The following CA12 variants were observed in gnomAD, a reference collection of about 807,000 sequenced individuals.
CA12 encodes carbonic anhydrase 12.
CA12 carries 36 observed loss-of-function variants against 46.8 expected under a neutral mutation model. The observed-to-expected ratio is 0.77, with a 90% CI of 0.59 to 1.02. CA12 has a LOEUF of 1.02. CA12 is among the 50% of genes least tolerant of loss of function. The pLI is 0.00. For synonymous variants in CA12, 202 were observed against 187.0 expected (o/e 1.08, Z -0.65); for missense variants, 436 against 451.4 (o/e 0.97, Z 0.31).
At chr15:63,380,872 T>G (rs2039635401) in intron 1 of CA12, among the ~76,000 whole-genome samples, 1 of 152,240 alleles carries the variant, frequency 6.6e-6, no homozygotes, top group Non-Finnish European at 1.5e-5. Flanking sequence ...GCTGTACACG[T>G]GTTAGCTCAC....
intron 3 of CA12, among the ~76,000 whole-genome samples, chr15:63,346,091 G>C (rs1354870784): frequency 6.6e-6 from 1 of 152,144 alleles, no homozygotes; most frequent in Non-Finnish European, 1.5e-5. Context: ...TTTCCAGATG[G>C]AAGCTCAAGG....
rs34511446 is a variant in CA12, at chr15:63,345,329, C to T, written c.429+148G>A. The T allele has an allele frequency of 0.054, 48,871 of 903,972 alleles. 1,564 individuals carry two copies. The highest frequency in any genetic ancestry group is 0.078 in the Middle Eastern group (290 of 3,696). 56.0% of individuals were successfully genotyped at this position (903,972 alleles called of 1,614,324 possible). A position where few individuals can be genotyped will look rare whatever the true frequency, so the allele number is the denominator to read the frequency against. On this transcript the variant is annotated intron_variant, in intron 4 of 10. Transcript: ENST00000178638. This position sits in a 1 kb window ranked among gnomAD's most constrained non-coding sequence, Gnocchi z 4.3. ...GAGCTACAGGCTAGTGGAGTGGCTG[C>T]GCCCCTTGTGCCAGGGCCAGAGGTG...
In CA12 at chr15:63,323,509, CA is replaced by C. The variant is rs369693320; in HGVS notation, c.*2775del. 0.012 allele frequency: 1,541 copies of C among 124,932 alleles called. 14 individuals carry two copies. The highest frequency in any genetic ancestry group is 0.029 in the Middle Eastern group (7 of 242). The allele number at this position is 124,932 out of a possible 1,614,324, so 7.7% of individuals were successfully genotyped here. On this transcript the variant is annotated 3_prime_UTR_variant, in exon 11 of 11. Coordinates refer to ENST00000178638, the MANE Select transcript of CA12 (RefSeq NM_001218.5). This position sits in a 1 kb window ranked among gnomAD's most constrained non-coding sequence, Gnocchi z 5.1. ...AATAGTAATGCTTTAACCTCGCCTC[CA>C]AAAAAAAAAAAAGAACAGCCTGATG... is the stretch of plus-strand genomic sequence containing the variant.
chr15:63,351,236 C>T (rs1167807457), intron 2 of CA12, among the ~76,000 whole-genome samples: 2 of 152,240 alleles, frequency 1.3e-5, no homozygotes, highest in Non-Finnish European at 2.9e-5. Context: ...CTATCCTTTG[C>T]CCTTAGTGGG....
chr15:63,323,863 A>G lies in CA12; in HGVS notation c.*2422T>C, dbSNP rs965531783. On this transcript the variant is annotated 3_prime_UTR_variant, in exon 11 of 11. Transcript: ENST00000178638. The surrounding 1 kb of genome is among the most constrained non-coding windows in gnomAD (Gnocchi z 5.1). ...CTAACTAAACAAACAGAACAAAGAA[A>G]GAGATTCAAGATCTCACATGAGTGA... 4 of 152,268 alleles carry G rather than the reference A, an allele frequency of 2.6e-5. No homozygotes were observed. Among genetic ancestry groups the G allele is most frequent in the African/African-American group, 9.6e-5 (4 of 41,464 alleles). The allele number at this position is 152,268 out of a possible 1,614,324, so 9.4% of individuals were successfully genotyped here. A position where few individuals can be genotyped will look rare whatever the true frequency, so the allele number is the denominator to read the frequency against.
At chr15:63,337,645 C>T (rs566600784) in intron 8 of CA12, among the ~76,000 whole-genome samples, 20 of 152,200 alleles carry the variant, frequency 1.3e-4, no homozygotes, top group African/African-American at 2.9e-4. Flanking sequence ...TTAGTAGAGA[C>T]GTGGTTTCAC....
At chr15:63,367,706 G>A (rs150864312) in intron 2 of CA12, among the ~76,000 whole-genome samples, 54 of 152,280 alleles carry the variant, frequency 3.5e-4, no homozygotes, top group Middle Eastern at 3.4e-3. Flanking sequence ...AGTGATCTAC[G>A]TATTTGGAGT....
intron 1 of CA12, among the ~76,000 whole-genome samples, chr15:63,380,909 G>A (rs1016576589): frequency 6.6e-6 from 1 of 152,184 alleles, no homozygotes; most frequent in African/African-American, 2.4e-5. Context: ...CACAGTTCAG[G>A]TCCCCTCTGC....
rs2038942236 is a variant in CA12, at chr15:63,331,906, C to G, written c.875-3776G>C. On this transcript the variant is annotated intron_variant, in intron 8 of 10. Coordinates refer to ENST00000178638, the MANE Select transcript of CA12 (RefSeq NM_001218.5). This position sits in a 1 kb window ranked among gnomAD's most constrained non-coding sequence, Gnocchi z 5.3. Reference sequence around the variant, plus strand: ...ACGAGGAACAAGCACCTCACTTTCACATCTGGAGGTTCCTGGAACAACAGT... The same window carrying G: ...ACGAGGAACAAGCACCTCACTTTCAGATCTGGAGGTTCCTGGAACAACAGT... The G allele has an allele frequency of 6.6e-6, 1 of 152,196 alleles. No homozygotes were observed. The highest frequency in any genetic ancestry group is 2.4e-5 in the African/African-American group (1 of 41,458). 9.4% of individuals were successfully genotyped at this position (152,196 alleles called of 1,614,324 possible).
Position 63,328,209 on chromosome 15 carries a change from C to A in CA12, c.875-79G>T. ...TTTGAGCAGCGTGTTGAGAGACGCTCTACCATTTGTTTGGTCTTAGGCTGA... is the reference window on the plus strand; with the variant it reads ...TTTGAGCAGCGTGTTGAGAGACGCTATACCATTTGTTTGGTCTTAGGCTGA... On this transcript the variant is annotated intron_variant, in intron 8 of 10. Transcript: ENST00000178638. This position sits in a 1 kb window ranked among gnomAD's most constrained non-coding sequence, Gnocchi z 5.9. 1 of 1,322,362 alleles carries A rather than the reference C, an allele frequency of 7.6e-7. No individual in the cohort carries two copies. Among genetic ancestry groups the A allele is most frequent in the Non-Finnish European group, 1.1e-6 (1 of 917,184 alleles). 81.9% of individuals were successfully genotyped at this position (1,322,362 alleles called of 1,614,324 possible).
At chr15:63,342,128 G>GTCGCTT in intron 4 of CA12, 31 bp from the exon 5 acceptor site, 1 of 1,395,690 alleles carries the variant, frequency 7.2e-7, no homozygotes. Flanking sequence ...CCCATTAGGA[G>GTCGCTT]ATAAGCGACT....
chr15:63,334,422 AT>A (rs879745620), intron 8 of CA12, among the ~76,000 whole-genome samples: 345 of 140,350 alleles, frequency 2.5e-3, no homozygotes, highest in Admixed American at 4.1e-3. Context: ...TGCCTGGCTG[AT>A]TTTTTTTTTT....
chr15:63,370,118 C>A (rs2039484210), intron 2 of CA12, among the ~76,000 whole-genome samples: 1 of 152,116 alleles, frequency 6.6e-6, no homozygotes, highest in African/African-American at 2.4e-5. Flanking sequence ...ATTTCTAACC[C>A]CAGCAGAAAT....
chr15:63,350,305 G>A (rs1567047605), intron 2 of CA12, among the ~76,000 whole-genome samples: 1 of 152,156 alleles, frequency 6.6e-6, no homozygotes, highest in African/African-American at 2.4e-5. Context: ...GCACAGTGCT[G>A]GCCTTATGCT....
At chr15:63,377,756 T>C (rs1221055800) in intron 1 of CA12, among the ~76,000 whole-genome samples, 1 of 152,238 alleles carries the variant, frequency 6.6e-6, no homozygotes, top group Non-Finnish European at 1.5e-5. Flanking sequence ...TCCATATCTC[T>C]ATATAACATG....
At chr15:63,381,543 C>A (rs984315590) in intron 1 of CA12, 93 bp downstream of exon 1, 19 of 1,025,684 alleles carry the variant, frequency 1.9e-5, no homozygotes, top group Non-Finnish European at 2.8e-5. Context: ...CTGCTCCCCG[C>A]AGCAATGATT....
intron 2 of CA12, among the ~76,000 whole-genome samples, chr15:63,362,325 C>T (rs575618632): frequency 6.6e-5 from 10 of 152,300 alleles, no homozygotes; most frequent in African/African-American, 2.4e-4. Flanking sequence ...AACCCAGGCA[C>T]AGAAGGATTG....
intron 2 of CA12, among the ~76,000 whole-genome samples, chr15:63,353,531 A>G (rs2039259654): frequency 6.6e-6 from 1 of 152,140 alleles, no homozygotes; most frequent in East Asian, 1.9e-4. Context: ...CATCTGTTAG[A>G]AAGGTCTTCC....
chr15:63,336,724 G>A (rs63100260), intron 8 of CA12, among the ~76,000 whole-genome samples: 106,304 of 150,880 alleles, frequency 0.7, 37,651 homozygotes, highest in East Asian at 0.9. Flanking sequence ...ACCAAGGCCT[G>A]AAGAAGGGAC....
Sources: allele counts gnomAD v4.1 joint callset (sites outside exome capture counted in the v4.1 genomes callset), GRCh38; gene constraint gnomAD v4.1.1; non-coding constraint Gnocchi (gnomAD v3.1); transcripts MANE v1.5; gene names NCBI Gene and HGNC (gene_info 2026-07-23, HGNC 2026-07-21).